The following SYN2 variants were observed in gnomAD, a reference collection of about 807,000 sequenced individuals.
The protein encoded by SYN2 is synapsin II.
Under a neutral mutation model 50.9 loss-of-function variants are expected in SYN2, and 19 were observed. That is an observed-to-expected ratio of 0.37 (90% CI 0.26 to 0.55). SYN2 has a LOEUF of 0.55. Among genes scored for constraint, SYN2 ranks in the 20% least tolerant of loss-of-function variants. The pLI is 0.81. For missense variants in SYN2, 587 were observed against 576.4 expected (o/e 1.02, Z -0.19); for synonymous variants, 255 against 224.9 (o/e 1.13, Z -1.20).
At chr3:12,052,825 C>T (rs914842689) in intron 1 of SYN2, among the ~76,000 whole-genome samples, 8 of 152,086 alleles carry the variant, frequency 5.3e-5, no homozygotes, top group Non-Finnish European at 1.0e-4. Flanking sequence ...TTAGCATTGC[C>T]CTTGCAGTTT....
chr3:12,111,982 G>A (rs1696327399), intron 1 of SYN2, among the ~76,000 whole-genome samples: 2 of 152,168 alleles, frequency 1.3e-5, no homozygotes, highest in Admixed American at 1.3e-4. Flanking sequence ...TTCTGGGAAG[G>A]CAACTTTCAG....
intron 1 of SYN2, among the ~76,000 whole-genome samples, chr3:12,043,125 C>T (rs1202916233): frequency 4.0e-5 from 6 of 151,542 alleles, no homozygotes; most frequent in Non-Finnish European, 7.4e-5. Flanking sequence ...TGGACTCAGG[C>T]GATCCTCCCA....
At chr3:12,151,155 C>G (rs757132145) in intron 4 of SYN2, 82 bp from the exon 5 acceptor site, 5 of 986,654 alleles carry the variant, frequency 5.1e-6, no homozygotes, top group Non-Finnish European at 7.9e-6. Flanking sequence ...AGCAAATGCT[C>G]AATAAATATT....
At chr3:12,075,056 A>G (rs1695439050) in intron 1 of SYN2, among the ~76,000 whole-genome samples, 1 of 152,126 alleles carries the variant, frequency 6.6e-6, no homozygotes, top group Admixed American at 6.6e-5. Flanking sequence ...TCTGTTTAAT[A>G]CTTCATAGCT....
At chr3:12,156,830 A>T (rs765305630) in intron 5 of SYN2, 3 of 1,613,894 alleles carry the variant, frequency 1.9e-6, no homozygotes, top group Non-Finnish European at 2.5e-6. Flanking sequence ...CAGTCAAGAG[A>T]TACTGCTTCT....
In SYN2 at chr3:12,038,560, T is replaced by G. The variant is rs576127992; in HGVS notation, c.377+33632T>G. 2.0e-5 allele frequency among the ~76,000 whole-genome samples: 3 copies of G among 152,242 alleles called. No homozygotes were observed. In the East Asian group the frequency reaches 5.8e-4, roughly 29 times the overall value. On this transcript the variant is annotated intron_variant, in intron 1 of 12. Transcript: ENST00000621198. ...AATCCATGAACACAGATTTTTTTCA[T>G]TTATTTTGTTCTTCAATTTCTTTCA... is the stretch of plus-strand genomic sequence containing the variant.
intron 1 of SYN2, among the ~76,000 whole-genome samples, chr3:12,126,058 A>AAGG (rs1696662640): frequency 6.6e-6 from 1 of 152,232 alleles, no homozygotes; most frequent in African/African-American, 2.4e-5. Flanking sequence ...GTTTACACAT[A>AAGG]AGGGGAAAGC....
At chr3:12,187,821 GAGA>G (rs1698376461) in intron 12 of SYN2, among the ~76,000 whole-genome samples, 1 of 151,998 alleles carries the variant, frequency 6.6e-6, no homozygotes, top group South Asian at 2.1e-4. Context: ...GGGTTCACTG[GAGA>G]AGGGAGGAAA....
intron 1 of SYN2, among the ~76,000 whole-genome samples, chr3:12,095,283 G>A (rs527710518): frequency 6.6e-6 from 1 of 151,114 alleles, no homozygotes; most frequent in African/African-American, 2.4e-5. Flanking sequence ...AGTGACTAAA[G>A]CCCGTAATCC....
intron 4 of SYN2, among the ~76,000 whole-genome samples, chr3:12,150,463 C>G (rs1697255819): frequency 6.6e-6 from 1 of 152,164 alleles, no homozygotes; most frequent in Non-Finnish European, 1.5e-5. Flanking sequence ...GGCAAGTGAC[C>G]TCTCTGGGCC....
intron 5 of SYN2, among the ~76,000 whole-genome samples, chr3:12,160,088 C>T (rs993420464): frequency 1.4e-5 from 2 of 145,132 alleles, no homozygotes; most frequent in African/African-American, 5.0e-5. Flanking sequence ...AACAAAGAAG[C>T]AGGGGACTTG....
chr3:12,160,064 A>AG, intron 5 of SYN2, among the ~76,000 whole-genome samples: 1 of 149,056 alleles, frequency 6.7e-6, no homozygotes. Flanking sequence ...AAAAAAAAAA[A>AG]AAGTAAAAGA....
At chr3:12,040,491 G>A (rs1397239617) in intron 1 of SYN2, among the ~76,000 whole-genome samples, 1 of 147,550 alleles carries the variant, frequency 6.8e-6, no homozygotes, top group Non-Finnish European at 1.5e-5. Flanking sequence ...GGAGTGCGGT[G>A]GCGTGATCTC....
chr3:12,129,373 C>T (rs939819268), intron 1 of SYN2, among the ~76,000 whole-genome samples: 2 of 152,106 alleles, frequency 1.3e-5, no homozygotes, highest in Admixed American at 1.3e-4. Context: ...GGGTACTGTC[C>T]TTACCTTATA....
intron 1 of SYN2, among the ~76,000 whole-genome samples, chr3:12,116,767 T>C (rs1476627348): frequency 6.6e-6 from 1 of 152,164 alleles, no homozygotes; most frequent in African/African-American, 2.4e-5. Context: ...TTTGTTTTTT[T>C]GAGACAGGGT....
intron 1 of SYN2, among the ~76,000 whole-genome samples, chr3:12,072,150 T>C (rs1450090574): frequency 1.3e-4 from 20 of 152,226 alleles, no homozygotes; most frequent in Admixed American, 1.2e-3. Flanking sequence ...TGCAGAAATA[T>C]CTATTTAAAT....
At chr3:12,050,203 G>C (rs1259543997) in intron 1 of SYN2, among the ~76,000 whole-genome samples, 1 of 151,884 alleles carries the variant, frequency 6.6e-6, no homozygotes, top group African/African-American at 2.4e-5. Flanking sequence ...ACCCAGCCTC[G>C]ACAGTTCTTA....
In SYN2 at chr3:12,187,620, A is replaced by G; in HGVS notation, c.1613+8A>G. 6.5e-7 allele frequency: 1 copy of G among 1,535,960 alleles called. No individual in the cohort carries two copies. Among genetic ancestry groups the G allele is most frequent in the South Asian group, 1.2e-5 (1 of 83,290 alleles). On this transcript the variant is annotated splice_region_variant and intron_variant, in intron 12 of 12. Coordinates refer to ENST00000621198, the MANE Select transcript of SYN2 (RefSeq NM_133625.6). ...GCCTCACCCACAGCTCAAGTAAGAGACAACTCAGCAGCTCCTCCCTCCCCT... is the reference window on the plus strand; with the variant it reads ...GCCTCACCCACAGCTCAAGTAAGAGGCAACTCAGCAGCTCCTCCCTCCCCT...
At chr3:12,066,176 T>A (rs997783757) in intron 1 of SYN2, among the ~76,000 whole-genome samples, 1 of 152,204 alleles carries the variant, frequency 6.6e-6, no homozygotes, top group Non-Finnish European at 1.5e-5. Context: ...GGATAAAGTA[T>A]GCACTTCAGT....
Sources: allele counts gnomAD v4.1 joint callset (sites outside exome capture counted in the v4.1 genomes callset), GRCh38; gene constraint gnomAD v4.1.1; transcripts MANE v1.5; gene names NCBI Gene and HGNC (gene_info 2026-07-23, HGNC 2026-07-21).